ATP1B1: variants seen among roughly 807,000 people sequenced by gnomAD.
ATP1B1 encodes ATPase Na+/K+ transporting subunit beta 1.
A neutral mutation model predicts 39.6 loss-of-function variants in ATP1B1; 3 were observed. The observed-to-expected ratio is 0.08, with a 90% confidence interval of 0.03 to 0.20. ATP1B1 has a LOEUF of 0.20. Among genes scored for constraint, ATP1B1 ranks in the 10% least tolerant of loss-of-function variants. The probability of loss-of-function intolerance (pLI) is 1.00; values close to 1 mark genes in which losing one functional copy is unlikely to be tolerated. For synonymous variants in ATP1B1, 139 were observed against 135.0 expected, an observed-to-expected ratio of 1.03 and a Z score of -0.20; for missense variants, 216 against 371.1, an observed-to-expected ratio of 0.58 and a Z score of 3.43.
chr1:169,121,178 C>G (rs1220924263), intron 2 of ATP1B1, among the ~76,000 whole-genome samples: 2 of 152,110 alleles, frequency 1.3e-5, no homozygotes, highest in African/African-American at 2.4e-5. Flanking sequence ...AACTCCTGGC[C>G]TCAAGTGATC....
intron 1 of ATP1B1, among the ~76,000 whole-genome samples, chr1:169,109,881 C>T (rs1424933435): frequency 6.6e-6 from 1 of 152,010 alleles, no homozygotes; most frequent in Non-Finnish European, 1.5e-5. Context: ...GAAAAATTTT[C>T]CAGATCTCTT....
At chr1:169,109,393 C>T (rs530145285) in intron 1 of ATP1B1, among the ~76,000 whole-genome samples, 227 of 152,172 alleles carry the variant, frequency 1.5e-3, no homozygotes, top group Non-Finnish European at 2.6e-3. Flanking sequence ...TAGTGGGGAG[C>T]CCCTGGTGGC....
At chr1:169,128,718 C>T (rs1258190498) in intron 4 of ATP1B1, among the ~76,000 whole-genome samples, 2 of 152,216 alleles carry the variant, frequency 1.3e-5, no homozygotes, top group Admixed American at 6.5e-5. Flanking sequence ...CAAGAGAAGA[C>T]TCATCCCATA....
At position 169,131,154 on chromosome 1, in the gene ATP1B1, G is replaced by A; in HGVS notation, c.649-138G>A. 8.9e-7 allele frequency: 1 copy of A among 1,117,820 alleles called. No homozygotes were observed. The highest frequency in any genetic ancestry group is 1.5e-5 in the South Asian group (1 of 64,846). The allele number at this position is 1,117,820 out of a possible 1,614,324, so 69.2% of individuals were successfully genotyped here. ...CTTCTTATGACCATTTCTCAAGGCT[G>A]CAATGGAATAGACTGAGTAGATGTT... is the stretch of plus-strand genomic sequence containing the variant. On this transcript the variant is annotated intron_variant, in intron 5 of 5. Transcript: ENST00000367815. The surrounding 1 kb of genome is among the most constrained non-coding windows in gnomAD (Gnocchi z 4.4).
intron 2 of ATP1B1, among the ~76,000 whole-genome samples, chr1:169,113,389 T>C (rs899720736): frequency 6.6e-6 from 1 of 152,024 alleles, no homozygotes; most frequent in Non-Finnish European, 1.5e-5. Flanking sequence ...ATAATTCTTA[T>C]ACTCAAAGCC....
chr1:169,125,940 A>G (rs1658076086), intron 3 of ATP1B1, among the ~76,000 whole-genome samples: 2 of 152,170 alleles, frequency 1.3e-5, no homozygotes, highest in South Asian at 2.1e-4. Flanking sequence ...ACGCCACAGC[A>G]CTCCAGCCTG....
chr1:169,110,037 T>A (rs1230097718), intron 1 of ATP1B1, among the ~76,000 whole-genome samples: 1 of 152,112 alleles, frequency 6.6e-6, no homozygotes, highest in East Asian at 1.9e-4. Context: ...TTTACTTCTG[T>A]CTTTGCTTTT....
chr1:169,127,489 T>C, intron 4 of ATP1B1, 81 bp downstream of exon 4: 2 of 1,470,424 alleles, frequency 1.4e-6, no homozygotes, highest in Non-Finnish European at 1.8e-6. Context: ...CAATGTAAGA[T>C]AGTTTTAAAG....
intron 2 of ATP1B1, among the ~76,000 whole-genome samples, chr1:169,121,004 G>A (rs1016064834): frequency 3.4e-5 from 5 of 145,546 alleles, no homozygotes; most frequent in Non-Finnish European, 7.4e-5. Flanking sequence ...CTGGAGTGCA[G>A]TGGTGCTGTC....
intron 2 of ATP1B1, among the ~76,000 whole-genome samples, chr1:169,118,725 T>A (rs939719987): frequency 1.3e-5 from 2 of 152,220 alleles, no homozygotes; most frequent in African/African-American, 2.4e-5. Context: ...GTATTTTTTT[T>A]AAAATTGGAA....
Position 169,131,630 on chromosome 1 carries a change from TGA to T in ATP1B1, c.*76_*77del. 6.7e-7 allele frequency: 1 copy of T among 1,503,334 alleles called. No homozygotes were observed. Among genetic ancestry groups the T allele is most frequent in the Non-Finnish European group, 8.9e-7 (1 of 1,117,558 alleles). The allele number at this position is 1,503,334 out of a possible 1,614,324, so 93.1% of individuals were successfully genotyped here. On this transcript the variant is annotated 3_prime_UTR_variant, in exon 6 of 6. Transcript: ENST00000367815. The surrounding 1 kb of genome is among the most constrained non-coding windows in gnomAD (Gnocchi z 4.4). Reference sequence around the variant, plus strand: ...TACAAAAACAAAAACCTACTAGTCTTGAACAAACTGTCATACGTATGGGACCT... The same window carrying T: ...TACAAAAACAAAAACCTACTAGTCTTACAAACTGTCATACGTATGGGACCT...
chr1:169,128,786 C>A (rs1013427497), intron 4 of ATP1B1, among the ~76,000 whole-genome samples: 6 of 152,192 alleles, frequency 3.9e-5, no homozygotes, highest in Admixed American at 6.5e-5. Context: ...GACATTTGGA[C>A]CCCACAGAGG....
intron 1 of ATP1B1, chr1:169,107,772 A>G (rs557130249): frequency 6.8e-5 from 10 of 146,444 alleles, no homozygotes; most frequent in African/African-American, 2.6e-4. Flanking sequence ...TTTTTTTTTA[A>G]AAAAAAGGTC....
intron 3 of ATP1B1, among the ~76,000 whole-genome samples, chr1:169,126,785 T>C (rs941512947): frequency 5.3e-5 from 8 of 152,156 alleles, no homozygotes; most frequent in African/African-American, 1.7e-4. Context: ...AAAAAAAACC[T>C]AGTTCTGAAA....
intron 1 of ATP1B1, among the ~76,000 whole-genome samples, 173 bp from the exon 2 acceptor site, chr1:169,111,197 T>C (rs1200137): frequency 0.72 from 110,193 of 152,120 alleles, 40,407 homozygotes; most frequent in East Asian, 0.89. Flanking sequence ...GCTGCCCAGC[T>C]TCTCGATTTT....
In ATP1B1 at chr1:169,106,757, C is replaced by G; in HGVS notation, c.-73C>G. 7.9e-7 allele frequency: 1 copy of G among 1,272,674 alleles called. No individual in the cohort carries two copies. The highest frequency in any genetic ancestry group is 1.1e-6 in the Non-Finnish European group (1 of 924,054). The allele number at this position is 1,272,674 out of a possible 1,614,324, so 78.8% of individuals were successfully genotyped here. A position where few individuals can be genotyped will look rare whatever the true frequency, so the allele number is the denominator to read the frequency against. ...GAGCCAGGCCGGAGAAGCCGAGCGG[C>G]GCAGAGGACGCCAGGGCGCGCGCCG... On this transcript the variant is annotated 5_prime_UTR_variant, in exon 1 of 6. Coordinates refer to ENST00000367815, the MANE Select transcript of ATP1B1 (RefSeq NM_001677.4).
intron 2 of ATP1B1, among the ~76,000 whole-genome samples, chr1:169,123,571 CTA>C (rs137855243): frequency 0.44 from 65,312 of 147,492 alleles, 15,359 homozygotes; most frequent in Non-Finnish European, 0.53. Flanking sequence ...TTCAGTTAAA[CTA>C]TATCTCTCTC....
chr1:169,117,568 A>C (rs1557949071), intron 2 of ATP1B1, among the ~76,000 whole-genome samples: 3 of 151,096 alleles, frequency 2.0e-5, no homozygotes, highest in Admixed American at 2.0e-4. Context: ...TGTGGGAGTG[A>C]TGGTGGGGGA....
At position 169,111,423 on chromosome 1, in the gene ATP1B1, A is replaced by G; in HGVS notation, c.151A>G (p.Ile51Val). 1 of 1,614,208 alleles carries G rather than the reference A, an allele frequency of 6.2e-7. No homozygotes were observed. The highest frequency in any genetic ancestry group is 8.5e-7 in the Non-Finnish European group (1 of 1,180,040). ...IFYGCLAGIF[I>V]GTIQVMLLTI... ...TTATGGCTGCCTGGCTGGCATCTTC[A>G]TCGGAACCATCCAAGTGATGCTGCT... The change falls in exon 2 of 6, where the codon ATC becomes GTC. Residue 51 changes from isoleucine to valine, a missense_variant. Physicochemically the swap from Ile to Val is conservative, Grantham distance 29. Transcript: ENST00000367815.
Sources: allele counts gnomAD v4.1 joint callset (sites outside exome capture counted in the v4.1 genomes callset), GRCh38; gene constraint gnomAD v4.1.1; non-coding constraint Gnocchi (gnomAD v3.1); transcripts MANE v1.5; gene names NCBI Gene and HGNC (gene_info 2026-07-23, HGNC 2026-07-21).